LSAMP: variants seen among roughly 807,000 people sequenced by gnomAD.
LSAMP encodes the protein limbic system-associated membrane protein.
Under a neutral mutation model 38.6 loss-of-function variants are expected in LSAMP, and 7 were observed. That is an observed-to-expected ratio of 0.18 (90% CI 0.10 to 0.34). The LOEUF is 0.34. LSAMP is among the 10% of genes least tolerant of loss of function. The pLI is 1.00. For synonymous variants in LSAMP, 154 were observed against 166.8 expected, an observed-to-expected ratio of 0.92 and a Z score of 0.59; for missense variants, 313 against 420.0, an observed-to-expected ratio of 0.75 and a Z score of 2.23.
At chr3:116,303,621 T>C (rs139244813) in intron 1 of LSAMP, among the ~76,000 whole-genome samples, 109 of 152,284 alleles carry the variant, frequency 7.2e-4, no homozygotes, top group Non-Finnish European at 1.1e-3. Flanking sequence ...TTCACCAACA[T>C]CTCAGTGATT....
intron 1 of LSAMP, among the ~76,000 whole-genome samples, chr3:116,112,380 G>A (rs1708635310): frequency 6.6e-6 from 1 of 152,166 alleles, no homozygotes; most frequent in African/African-American, 2.4e-5. Context: ...GTTTAACATA[G>A]CCAGCTAGTA....
At chr3:116,332,517 T>C (rs2107742603) in intron 1 of LSAMP, among the ~76,000 whole-genome samples, 1 of 152,212 alleles carries the variant, frequency 6.6e-6, no homozygotes, top group South Asian at 2.1e-4. Flanking sequence ...GAAAGGAATT[T>C]AACATTTCTT....
At chr3:115,902,328 T>C (rs1936896557) in intron 3 of LSAMP, among the ~76,000 whole-genome samples, 1 of 151,926 alleles carries the variant, frequency 6.6e-6, no homozygotes, top group Non-Finnish European at 1.5e-5. Context: ...GGAAACAATA[T>C]AAAAATTAGC....
At chr3:116,164,758 A>AT (rs1476841112) in intron 1 of LSAMP, among the ~76,000 whole-genome samples, 5 of 55,242 alleles carry the variant, frequency 9.1e-5, no homozygotes, top group African/African-American at 2.2e-4. Context: ...ATATATATAT[A>AT]TATTTTTTTT....
chr3:115,810,350 T>C lies in LSAMP; in HGVS notation c.984A>G (p.Ala328=), dbSNP rs986203664. Residue 328 remains alanine (A), a synonymous_variant, in exon 7 of 7, where the codon GCA becomes GCG. Coordinates refer to ENST00000490035, the MANE Select transcript of LSAMP (RefSeq NM_002338.5). ...TGCTGAGAAGGCAGAGCAGAGATGC[T>C]GCCAGCAGCCACAGTGGTACGGCCA... ...ISLAVPLWLL[A]ASLLCLLSKC 6.2e-7 allele frequency: 1 copy of C among 1,613,652 alleles called. No homozygotes were observed. Among genetic ancestry groups the C allele is most frequent in the East Asian group, 2.2e-5 (1 of 44,888 alleles).
chr3:116,272,262 A>G (rs2046984495), intron 1 of LSAMP, among the ~76,000 whole-genome samples: 1 of 152,140 alleles, frequency 6.6e-6, no homozygotes, highest in African/African-American at 2.4e-5. Flanking sequence ...CTGTTTTATC[A>G]TGGGACTGAG....
intron 3 of LSAMP, among the ~76,000 whole-genome samples, chr3:115,919,409 C>T (rs933719188): frequency 6.6e-6 from 1 of 152,116 alleles, no homozygotes; most frequent in African/African-American, 2.4e-5. Flanking sequence ...GTATAAGTGC[C>T]TTACATCAGG....
intron 1 of LSAMP, among the ~76,000 whole-genome samples, chr3:116,143,805 T>A (rs1327145543): frequency 6.6e-6 from 1 of 151,926 alleles, no homozygotes; most frequent in Non-Finnish European, 1.5e-5. Flanking sequence ...TGTCGTTTAT[T>A]TCCTTCCACT....
intron 1 of LSAMP, among the ~76,000 whole-genome samples, chr3:116,101,670 G>T (rs1708350427): frequency 6.6e-6 from 1 of 151,982 alleles, no homozygotes; most frequent in Non-Finnish European, 1.5e-5. Context: ...CTGTAGTTTT[G>T]TATTCTTTAA....
chr3:115,832,926 T>C (rs1184136331), intron 6 of LSAMP, among the ~76,000 whole-genome samples: 1 of 152,178 alleles, frequency 6.6e-6, no homozygotes, highest in Non-Finnish European at 1.5e-5. Flanking sequence ...ATCCGACAGC[T>C]GTCTTTTGTG....
chr3:116,316,426 G>A lies in LSAMP; in HGVS notation c.155+128451C>T, dbSNP rs532504375. 2.0e-5 allele frequency among the ~76,000 whole-genome samples: 3 copies of A among 152,202 alleles called. No homozygotes were observed. In the South Asian group the frequency reaches 6.2e-4, roughly 32 times the overall value. On this transcript the variant is annotated intron_variant, in intron 1 of 6. Coordinates refer to ENST00000490035, the MANE Select transcript of LSAMP (RefSeq NM_002338.5). Reference sequence around the variant, plus strand: ...GATTATAAGTGATTGTTGAATAAACGAACATATATGAAAAGAAAGTTGGGA... The same window carrying A: ...GATTATAAGTGATTGTTGAATAAACAAACATATATGAAAAGAAAGTTGGGA...
At chr3:116,117,324 TTATA>T (rs1343166150) in intron 1 of LSAMP, among the ~76,000 whole-genome samples, 1 of 152,162 alleles carries the variant, frequency 6.6e-6, no homozygotes, top group Non-Finnish European at 1.5e-5. Context: ...TATTCTTTCT[TTATA>T]TATTATTTTT....
chr3:116,203,620 A>G (rs1213118242), intron 1 of LSAMP, among the ~76,000 whole-genome samples: 1 of 143,360 alleles, frequency 7.0e-6, no homozygotes, highest in Non-Finnish European at 1.5e-5. Context: ...TCATTGTTCA[A>G]TTCCCACCTA....
At chr3:116,288,506 T>C (rs1187645708) in intron 1 of LSAMP, among the ~76,000 whole-genome samples, 2 of 152,220 alleles carry the variant, frequency 1.3e-5, no homozygotes, top group South Asian at 2.1e-4. Context: ...TGGGGACCCA[T>C]AGAGTGAAGA....
rs77225659 is a variant in LSAMP at position 116,366,514 on chromosome 3, T to A, written c.155+78363A>T. Reference sequence around the variant, plus strand: ...CAGTGGTTCTTTGTGCCACTCAGGGTCACTCAGTGTCCTCCCCATAGATAT... The same window carrying A: ...CAGTGGTTCTTTGTGCCACTCAGGGACACTCAGTGTCCTCCCCATAGATAT... On this transcript the variant is annotated intron_variant, in intron 1 of 6. Coordinates refer to ENST00000490035, the MANE Select transcript of LSAMP (RefSeq NM_002338.5). Among the ~76,000 whole-genome samples the A allele has an allele frequency of 5.1e-4, 77 of 152,284 alleles. 2 individuals carry two copies. The East Asian group carries it at 0.014, about 27-fold the overall frequency.
chr3:115,906,168 G>T (rs1451933668), intron 3 of LSAMP, among the ~76,000 whole-genome samples: 1 of 152,160 alleles, frequency 6.6e-6, no homozygotes, highest in Non-Finnish European at 1.5e-5. Context: ...CTCTTCTTCA[G>T]TATTGTGCCA....
intron 2 of LSAMP, among the ~76,000 whole-genome samples, chr3:116,070,742 T>C (rs943575260): frequency 1.3e-5 from 2 of 152,132 alleles, no homozygotes; most frequent in Non-Finnish European, 2.9e-5. Flanking sequence ...TGATATCTCT[T>C]TTAAAAATAA....
intron 3 of LSAMP, among the ~76,000 whole-genome samples, chr3:115,906,397 C>G (rs1394258986): frequency 6.6e-6 from 1 of 152,048 alleles, no homozygotes; most frequent in Non-Finnish European, 1.5e-5. Context: ...CAGCAAATGA[C>G]TTAAATGAAT....
intron 1 of LSAMP, among the ~76,000 whole-genome samples, chr3:116,192,823 T>A (rs1710785830): frequency 6.6e-6 from 1 of 152,228 alleles, no homozygotes; most frequent in Non-Finnish European, 1.5e-5. Context: ...AAGGACCTTT[T>A]CAGCTCTGAA....
Sources: gnomAD v4.1 joint callset for allele counts (sites outside exome capture counted in the v4.1 genomes callset) on GRCh38, gnomAD v4.1.1 for gene constraint, MANE v1.5 for transcripts, NCBI Gene and HGNC (gene_info 2026-07-23, HGNC 2026-07-21) for gene names.